Variants in RIC3 observed in about 807,000 individuals in gnomAD.
RIC3 encodes the protein RIC3 acetylcholine receptor chaperone, also known as protein RIC-3.
A neutral mutation model predicts 27.3 loss-of-function variants in RIC3; 28 were observed. The ratio of observed to expected loss-of-function variants is 1.02; its 90% CI spans 0.76 to 1.41. RIC3 has a LOEUF of 1.41. Among genes scored for constraint, RIC3 ranks in the 40% most tolerant of loss-of-function variants. The pLI is 0.00. For missense variants in RIC3, 501 were observed against 444.7 expected (o/e 1.13, Z -1.14); for synonymous variants, 184 against 160.4 (o/e 1.15, Z -1.11).
the RIC3 span, chr11:8,094,063 C>T: frequency 6.2e-7 from 1 of 1,614,062 alleles, no homozygotes; most frequent in East Asian, 2.2e-5. Context: ...GGCCGACTCA[C>T]TCGCCAGTGT....
chr11:8,097,014 G>A, the RIC3 span, among the ~76,000 whole-genome samples: 4 of 152,110 alleles, frequency 2.6e-5, 1 homozygote, highest in Non-Finnish European at 5.9e-5. Context: ...GACCTCTGAG[G>A]ACCTCCCGTA....
At chr11:8,168,773 A>T (rs1951994285) in intron 1 of RIC3, 93 bp downstream of exon 1, 3 of 1,491,286 alleles carry the variant, frequency 2.0e-6, no homozygotes, top group Non-Finnish European at 2.7e-6. Context: ...ATTTCGGTGA[A>T]GGCTGCAGAC....
Position 8,110,754 on chromosome 11 carries a change from C to T in RIC3, c.1054G>A (p.Asp352Asn), listed in dbSNP as rs11826236. The change falls in exon 6 of 6, where the codon GAT (aspartate) becomes AAT (asparagine). Residue 352 changes from aspartate (D) to asparagine (N), a missense_variant. Asp to Asn is a conservative substitution (Grantham distance 23, BLOSUM62 1). Transcript: ENST00000309737. ...AGCATGCTGCCTGTATATGCTTTAT[C>T]GGTGCTGATGCCCAACCCTTCATCT... Reference protein sequence around the residue: ...FKDEGLGISTDKAYTGSMLRK... With the variant: ...FKDEGLGISTNKAYTGSMLRK... 0.068 allele frequency: 110,136 copies of T among 1,614,026 alleles called. 4,351 individuals are homozygous for T. The highest frequency in any genetic ancestry group is 0.13 in the African/African-American group (9,645 of 75,000).
At chr11:8,115,006 G>A (rs1473510965) in intron 5 of RIC3, among the ~76,000 whole-genome samples, 1 of 152,108 alleles carries the variant, frequency 6.6e-6, no homozygotes. Context: ...GGAGGAGACG[G>A]ACACAAAGGG....
chr11:8,100,375 G>A, the RIC3 span: 13 of 732,724 alleles, frequency 1.8e-5, no homozygotes, highest in South Asian at 2.1e-4. Flanking sequence ...TAGGTTTAGA[G>A]GGATGTGTGT....
chr11:8,152,754 G>A (rs1447028088), intron 1 of RIC3, among the ~76,000 whole-genome samples: 1 of 151,630 alleles, frequency 6.6e-6, no homozygotes, highest in Non-Finnish European at 1.5e-5. Context: ...TCTCAATAAA[G>A]CTTTTTTTTT....
In RIC3 at chr11:8,161,790, G is replaced by C. The variant is rs139693754; in HGVS notation, c.124+7076C>G. 1.1e-4 allele frequency among the ~76,000 whole-genome samples: 16 copies of C among 151,408 alleles called. No individual in the cohort carries two copies. The East Asian group carries it at 2.9e-3, about 28-fold the overall frequency. ...GGAGGCTGAGGTGGGACAATGACTT[G>C]AGGCCAGGAGTTCCAGGCCAGCTCT... On this transcript the variant is annotated intron_variant, in intron 1 of 5. Transcript: ENST00000309737.
At chr11:8,161,895 CTATA>C (rs1951196217) in intron 1 of RIC3, among the ~76,000 whole-genome samples, 5 of 147,614 alleles carry the variant, frequency 3.4e-5, no homozygotes, top group Admixed American at 2.8e-4. Context: ...GAAACTGTTG[CTATA>C]AATGAGACAC....
intron 1 of RIC3, among the ~76,000 whole-genome samples, chr11:8,141,687 A>T (rs936734597): frequency 2.0e-5 from 3 of 152,056 alleles, no homozygotes; most frequent in Non-Finnish European, 2.9e-5. Context: ...CCTAATAGAC[A>T]CCTACAGAAC....
intron 3 of RIC3, among the ~76,000 whole-genome samples, chr11:8,137,878 T>C (rs1422826169): frequency 7.0e-6 from 1 of 142,566 alleles, no homozygotes. Context: ...AATATTCTAG[T>C]TGTATAATAA....
At chr11:8,100,785 C>T in the RIC3 span, 1 of 1,608,232 alleles carries the variant, frequency 6.2e-7, no homozygotes, top group East Asian at 2.2e-5. Context: ...GGTCATGGTG[C>T]CAAAGGCCTG....
chr11:8,124,237 G>T (rs1288520491), intron 5 of RIC3, among the ~76,000 whole-genome samples: 1 of 151,892 alleles, frequency 6.6e-6, no homozygotes, highest in African/African-American at 2.4e-5. Flanking sequence ...AATAGAAAAA[G>T]GAACACATCC....
At chr11:8,093,251 G>A in the RIC3 span, among the ~76,000 whole-genome samples, 4 of 151,990 alleles carry the variant, frequency 2.6e-5, no homozygotes, top group Non-Finnish European at 4.4e-5. Context: ...TGAGGGGGGC[G>A]AGGGGGAGGG....
intron 4 of RIC3, among the ~76,000 whole-genome samples, chr11:8,129,218 C>T (rs942119686): frequency 2.6e-5 from 4 of 151,936 alleles, no homozygotes; most frequent in Non-Finnish European, 5.9e-5. Context: ...TTTAAACATT[C>T]CTTTTATCTA....
the RIC3 span, among the ~76,000 whole-genome samples, chr11:8,094,833 G>A: frequency 1.3e-5 from 2 of 152,234 alleles, no homozygotes; most frequent in African/African-American, 2.4e-5. Flanking sequence ...GTTGGACAGT[G>A]ATGTGTCACA....
rs1402134929 is a variant in RIC3 at position 8,126,741 on chromosome 11, C to T, written c.588G>A (p.Arg196=). ...RLLHQLREIT[R]VMKEGKFIDR... is the part of the protein sequence containing the mutation. ...CAATGAATTTTCCTTCTTTCATGAC[C>T]CTGGTGATTTCTCGGAGCTGATGTA... The change falls in exon 5 of 6, where the codon AGG becomes AGA. Residue 196 remains arginine (R), a synonymous_variant. Coordinates refer to ENST00000309737, the MANE Select transcript of RIC3 (RefSeq NM_001206671.4). 1.9e-6 allele frequency: 3 copies of T among 1,613,926 alleles called. No homozygotes were observed. Among genetic ancestry groups the T allele is most frequent in the South Asian group, 1.1e-5 (1 of 91,070 alleles).
downstream of RIC3, chr11:8,103,604 A>G (rs1944397194): frequency 6.6e-6 from 1 of 152,636 alleles, no homozygotes; most frequent in African/African-American, 2.4e-5. Context: ...TAGCTTTTGC[A>G]ACATGGTCCA....
chr11:8,102,010 G>A (rs1423668314), downstream of RIC3: 1 of 215,448 alleles, frequency 4.6e-6, no homozygotes, highest in Non-Finnish European at 9.3e-6. Flanking sequence ...CGTCCGCTCA[G>A]CCAAGGAGTC....
the RIC3 span, among the ~76,000 whole-genome samples, chr11:8,100,163 G>C: frequency 3.3e-5 from 5 of 152,214 alleles, no homozygotes; most frequent in African/African-American, 9.6e-5. Flanking sequence ...AGTGGTGGAA[G>C]TCTGGGTATA....
Sources: allele counts gnomAD v4.1 joint callset (sites outside exome capture counted in the v4.1 genomes callset), GRCh38; gene constraint gnomAD v4.1.1; transcripts MANE v1.5; gene names NCBI Gene and HGNC (gene_info 2026-07-23, HGNC 2026-07-21).